WAC: variants seen among roughly 807,000 people sequenced by gnomAD.
WAC encodes the protein WW domain-containing adapter protein with coiled-coil.
WAC carries 11 observed loss-of-function variants against 79.6 expected under a neutral mutation model. The observed-to-expected ratio is 0.14, with a 90% CI of 0.09 to 0.23. WAC has a LOEUF of 0.23. Ranked by LOEUF, WAC falls within the 10% of genes least tolerant of loss-of-function variation. The pLI, the probability that WAC is intolerant of heterozygous loss-of-function variation, is 1.00. For missense variants in WAC, 728 were observed against 773.5 expected, an observed-to-expected ratio of 0.94 and a Z score of 0.70; for synonymous variants, 304 against 276.9, an observed-to-expected ratio of 1.10 and a Z score of -0.97.
At chr10:28,588,976 G>T (rs957330002) in intron 4 of WAC, 4 of 152,098 alleles carry the variant, frequency 2.6e-5, no homozygotes, top group Non-Finnish European at 4.4e-5. Flanking sequence ...CAGATTTCCT[G>T]GGGGCAATTA....
intron 6 of WAC, 142 bp downstream of exon 6, chr10:28,590,974 C>A (rs1840051537): frequency 1.4e-6 from 1 of 739,998 alleles, no homozygotes; most frequent in South Asian, 1.7e-5. Flanking sequence ...ATTTATTATA[C>A]CCTCCACCAT....
At chr10:28,590,567 A>C (rs1304977887) in intron 5 of WAC, among the ~76,000 whole-genome samples, 153 bp from the exon 6 acceptor site, 1 of 152,182 alleles carries the variant, frequency 6.6e-6, no homozygotes, top group Admixed American at 6.5e-5. Flanking sequence ...TCTGTTTGCT[A>C]CGTTCCATCT....
chr10:28,549,404 T>C (rs183601263), intron 3 of WAC, among the ~76,000 whole-genome samples: 1 of 152,332 alleles, frequency 6.6e-6, no homozygotes, highest in East Asian at 1.9e-4. Flanking sequence ...TCTTTGCTTA[T>C]TGGACAGCCA....
chr10:28,534,646 G>T (rs1452560918), intron 2 of WAC, among the ~76,000 whole-genome samples: 1 of 152,196 alleles, frequency 6.6e-6, no homozygotes, highest in African/African-American at 2.4e-5. Context: ...CAGTCATTGT[G>T]TGTGAAGTTC....
At chr10:28,582,370 T>A (rs1034780650) in intron 3 of WAC, among the ~76,000 whole-genome samples, 7 of 152,230 alleles carry the variant, frequency 4.6e-5, no homozygotes, top group Non-Finnish European at 7.3e-5. Context: ...TAAAACCTTA[T>A]AGTCATCATC....
chr10:28,538,807 T>C (rs1836831796), intron 3 of WAC, among the ~76,000 whole-genome samples: 1 of 145,952 alleles, frequency 6.9e-6, no homozygotes, highest in East Asian at 2.0e-4. Flanking sequence ...AGGTTAACAG[T>C]GAGCTGTGGT....
chr10:28,592,282 G>A (rs187726700), intron 6 of WAC, among the ~76,000 whole-genome samples: 1 of 152,136 alleles, frequency 6.6e-6, no homozygotes, highest in South Asian at 2.1e-4. Flanking sequence ...GTTGCACCCA[G>A]CTTGTGGGTT....
intron 7 of WAC, among the ~76,000 whole-genome samples, chr10:28,606,708 A>G (rs1840971469): frequency 6.6e-6 from 1 of 152,232 alleles, no homozygotes. Context: ...TTCTAGTTTT[A>G]TACTAAAAGC....
intron 3 of WAC, among the ~76,000 whole-genome samples, chr10:28,555,173 A>G (rs753009725): frequency 2.0e-5 from 3 of 152,072 alleles, no homozygotes; most frequent in Non-Finnish European, 4.4e-5. Context: ...ACTCTTCAGT[A>G]TCTTTATGTA....
chr10:28,596,332 A>T (rs942631465), intron 7 of WAC, among the ~76,000 whole-genome samples: 6 of 152,192 alleles, frequency 3.9e-5, no homozygotes, highest in African/African-American at 1.4e-4. Flanking sequence ...CTGTCTCTTC[A>T]ATTTTCTGTT....
chr10:28,595,838 C>T lies in WAC; in HGVS notation c.716C>T (p.Thr239Ile), dbSNP rs372402014. Residue 239 changes from threonine (T) to isoleucine (I), a missense_variant, in exon 7 of 14, where the codon ACT becomes ATT. Physicochemically the swap from Thr to Ile is moderately conservative, Grantham distance 89. Coordinates refer to ENST00000354911, the MANE Select transcript of WAC (RefSeq NM_016628.5). ...DRDYRLPRAE[T>I]HSSSTPVQHP... ...GACTACAGACTGCCAAGAGCAGAGA[C>T]TCACAGTAGTTCTACGCCAGTACAG... 2.3e-5 allele frequency: 37 copies of T among 1,614,048 alleles called. No homozygotes were observed. Among genetic ancestry groups the T allele is most frequent in the Non-Finnish European group, 3.1e-5 (36 of 1,180,022 alleles).
At chr10:28,586,689 AAAT>A (rs776352238) in intron 4 of WAC, among the ~76,000 whole-genome samples, 4 of 152,076 alleles carry the variant, frequency 2.6e-5, no homozygotes, top group African/African-American at 7.2e-5. Flanking sequence ...CCTGTTTCAA[AAAT>A]AATAATAATA....
At chr10:28,571,520 T>A (rs1838962812) in intron 3 of WAC, among the ~76,000 whole-genome samples, 1 of 152,252 alleles carries the variant, frequency 6.6e-6, no homozygotes, top group South Asian at 2.1e-4. Flanking sequence ...TTGTTCATAA[T>A]GTGTCCCTTG....
intron 3 of WAC, among the ~76,000 whole-genome samples, chr10:28,577,858 A>G (rs1839324976): frequency 6.6e-6 from 1 of 152,142 alleles, no homozygotes; most frequent in African/African-American, 2.4e-5. Context: ...GGGAATGCCT[A>G]TTAAAAATTC....
At chr10:28,576,260 T>C (rs1347304001) in intron 3 of WAC, among the ~76,000 whole-genome samples, 2 of 152,244 alleles carry the variant, frequency 1.3e-5, no homozygotes, top group African/African-American at 4.8e-5. Flanking sequence ...ACAAACTCTT[T>C]GTAGCACTGT....
chr10:28,614,732 G>A (rs373521210), intron 11 of WAC, 47 bp downstream of exon 11: 4 of 1,386,444 alleles, frequency 2.9e-6, no homozygotes, highest in African/African-American at 2.9e-5. Flanking sequence ...ATTTAATGAT[G>A]GTACACTGCA....
intron 3 of WAC, among the ~76,000 whole-genome samples, chr10:28,558,773 C>G (rs1004009231): frequency 6.6e-6 from 1 of 152,138 alleles, no homozygotes; most frequent in Non-Finnish European, 1.5e-5. Context: ...AAAGGTGGTG[C>G]TGTCCTGTGG....
At chr10:28,552,998 C>G (rs1837772031) in intron 3 of WAC, among the ~76,000 whole-genome samples, 1 of 151,942 alleles carries the variant, frequency 6.6e-6, no homozygotes, top group Non-Finnish European at 1.5e-5. Context: ...AATATTTGTT[C>G]TGTGTCCTGC....
intron 3 of WAC, among the ~76,000 whole-genome samples, chr10:28,558,497 A>G (rs1399993095): frequency 6.6e-6 from 1 of 152,184 alleles, no homozygotes; most frequent in African/African-American, 2.4e-5. Context: ...TTTCATTTTC[A>G]TTAGGAAGCC....
Sources: gnomAD v4.1 joint callset for allele counts (sites outside exome capture counted in the v4.1 genomes callset) on GRCh38, gnomAD v4.1.1 for gene constraint, MANE v1.5 for transcripts, NCBI Gene and HGNC (gene_info 2026-07-23, HGNC 2026-07-21) for gene names.